Variants in SP140 observed in about 807,000 individuals in gnomAD.
The protein encoded by SP140 is nuclear body protein SP140.
In SP140, 81 loss-of-function variants were observed where a neutral mutation model predicts 125.0. The observed-to-expected ratio is 0.65, with a 90% CI of 0.54 to 0.78. The LOEUF is 0.78. Ranked by LOEUF, SP140 falls within the 30% of genes least tolerant of loss-of-function variation. SP140 has a pLI of 0.00. For missense variants in SP140, 858 were observed against 1,037.0 expected (o/e 0.83, Z 2.37); for synonymous variants, 312 against 354.0 (o/e 0.88, Z 1.33).
intron 12 of SP140, among the ~76,000 whole-genome samples, chr2:230,265,905 G>A (rs2053046565): frequency 6.6e-6 from 1 of 152,094 alleles, no homozygotes; most frequent in Non-Finnish European, 1.5e-5. Flanking sequence ...AAAAGAAAAG[G>A]ATTATGATAA....
Position 230,255,541 on chromosome 2 carries a change from G to A in SP140, c.1240+9G>A, listed in dbSNP as rs200772144. On this transcript the variant is annotated intron_variant, in intron 12 of 26. Transcript: ENST00000392045. ...AGCAAGACGTGGGTCAGGTAAGGAC[G>A]GGGGGGGGGATTTCTGGCCCTGGGC... 1.7e-4 allele frequency: 8 copies of A among 48,034 alleles called. No individual in the cohort carries two copies. The highest frequency in any genetic ancestry group is 1.1e-3 in the African/African-American group (1 of 914). The allele number at this position is 48,034 out of a possible 1,614,324, so 3.0% of individuals were successfully genotyped here. A position where few individuals can be genotyped will look rare whatever the true frequency, so the allele number is the denominator to read the frequency against.
At chr2:230,300,219 T>C (rs1179039608) in intron 22 of SP140, among the ~76,000 whole-genome samples, 1 of 152,158 alleles carries the variant, frequency 6.6e-6, no homozygotes, top group African/African-American at 2.4e-5. Flanking sequence ...CAGACACTCA[T>C]ACGAGAACCA....
At chr2:230,293,096 A>G (rs2057313051) in intron 20 of SP140, among the ~76,000 whole-genome samples, 1 of 152,196 alleles carries the variant, frequency 6.6e-6, no homozygotes, top group African/African-American at 2.4e-5. Context: ...AAGCAGTGGA[A>G]GAAGACACTT....
intron 15 of SP140, among the ~76,000 whole-genome samples, chr2:230,275,350 AC>A (rs140941975): frequency 0.017 from 2,639 of 152,210 alleles, 100 homozygotes; most frequent in African/African-American, 0.061. Flanking sequence ...GCATGTGCTC[AC>A]TTTGTGTCTC....
upstream of SP140, chr2:230,200,800 TA>T: frequency 9.2e-7 from 1 of 1,090,530 alleles, no homozygotes; most frequent in South Asian, 1.2e-5. Flanking sequence ...AAAAAAAAGT[TA>T]AGAAATATTG....
intron 22 of SP140, among the ~76,000 whole-genome samples, chr2:230,309,243 T>G (rs547150349): frequency 2.0e-5 from 3 of 152,284 alleles, no homozygotes; most frequent in African/African-American, 7.2e-5. Flanking sequence ...CTGTTACCAT[T>G]GTCCTTGGTC....
In SP140 at chr2:230,300,617, A is replaced by G. The variant is rs144210401; in HGVS notation, c.2058+3155A>G. Among the ~76,000 whole-genome samples, 340 of 152,330 alleles carry G rather than the reference A, an allele frequency of 2.2e-3. 2 individuals carry two copies. Among genetic ancestry groups the G allele is most frequent in the African/African-American group, 7.6e-3 (318 of 41,572 alleles). On this transcript the variant is annotated intron_variant, in intron 22 of 26. Transcript: ENST00000392045. ...GGGGAAGGGGGAGAACACCACATTA[A>G]GGGATCACCCTGTGGAACAAGAGAA...
Position 230,237,399 on chromosome 2 carries a change from G to A in SP140, c.237+139G>A. 8.6e-6 allele frequency: 6 copies of A among 697,558 alleles called. No homozygotes were observed. In the South Asian group the frequency reaches 1.0e-4, roughly 12 times the overall value. The allele number at this position is 697,558 out of a possible 1,614,324, so 43.2% of individuals were successfully genotyped here. ...TGTAGGTTAGGAGGTGACAGGAGAA[G>A]CAGGCATCACAGAAAACCTCCCTTC... On this transcript the variant is annotated intron_variant, in intron 2 of 26. Transcript: ENST00000392045. The surrounding 1 kb of genome is among the most constrained non-coding windows in gnomAD (Gnocchi z 5.4).
At chr2:230,217,828 C>A (rs1413349737) in intron 3 of SP140, among the ~76,000 whole-genome samples, 1 of 152,146 alleles carries the variant, frequency 6.6e-6, no homozygotes, top group Admixed American at 6.5e-5. Flanking sequence ...GCAACAGGGA[C>A]CACCCTAAAA....
intron 14 of SP140, 123 bp downstream of exon 14, chr2:230,270,076 C>G (rs763604614): frequency 3.0e-6 from 2 of 676,760 alleles, no homozygotes; most frequent in Non-Finnish European, 5.3e-6. Context: ...TTGACCTGAG[C>G]CTTTGGGGAG....
At chr2:230,313,579 C>A (rs985988237), downstream of SP140, among the ~76,000 whole-genome samples, 1 of 152,172 alleles carries the variant, frequency 6.6e-6, no homozygotes, top group East Asian at 1.9e-4. Context: ...TTTGGCCACA[C>A]GATGCTGCTT....
chr2:230,203,676 A>G (rs1371707678), intron 1 of SP140: 4 of 152,236 alleles, frequency 2.6e-5, no homozygotes, highest in African/African-American at 9.6e-5. Context: ...GAACACTTAC[A>G]GAAAATATGA....
chr2:230,221,142 G>A (rs959196354), upstream of SP140, among the ~76,000 whole-genome samples: 3 of 151,984 alleles, frequency 2.0e-5, no homozygotes, highest in East Asian at 1.9e-4. Flanking sequence ...TTAGCCAGAT[G>A]TGGTGGCGGG....
intron 3 of SP140, chr2:230,239,145 G>C (rs1034241086): frequency 1.1e-6 from 1 of 895,382 alleles, no homozygotes; most frequent in African/African-American, 1.7e-5. Flanking sequence ...ATTCAAAAAA[G>C]AGGTATCTTG....
chr2:230,260,072 G>A (rs1575073276), intron 12 of SP140, among the ~76,000 whole-genome samples: 1 of 152,068 alleles, frequency 6.6e-6, no homozygotes, highest in Non-Finnish European at 1.5e-5. Flanking sequence ...GTGTAGAAGT[G>A]TTCCCTATTC....
intron 8 of SP140, 108 bp from the exon 9 acceptor site, chr2:230,248,777 C>A: frequency 1.2e-6 from 1 of 820,186 alleles, no homozygotes; most frequent in Non-Finnish European, 2.0e-6. Context: ...AAAGGCGGAA[C>A]AAGACAGGGG....
intron 1 of SP140, among the ~76,000 whole-genome samples, chr2:230,236,817 A>G (rs1334407603): frequency 6.6e-6 from 1 of 152,194 alleles, no homozygotes; most frequent in Non-Finnish European, 1.5e-5. Context: ...AGTTCAGGTG[A>G]AGGTCTCTTT....
In SP140 at chr2:230,212,747, G is replaced by A. The variant is rs1340316021; in HGVS notation, c.-322-907G>A. On this transcript the variant is annotated intron_variant, in intron 1 of 4. Coordinates refer to the SP140 transcript ENST00000456542. ...CTGAGGATATACAGGTGTTGGATGG[G>A]ATCTGTTTCTCACCTGAAGTGCTTC... The A allele has an allele frequency of 4.3e-6, 7 of 1,613,844 alleles. No homozygotes were observed. In the South Asian group the frequency reaches 7.7e-5, roughly 18 times the overall value.
chr2:230,231,743 G>C (rs776710137), intron 1 of SP140, among the ~76,000 whole-genome samples: 65 of 151,252 alleles, frequency 4.3e-4, no homozygotes, highest in Non-Finnish European at 7.5e-4. Context: ...GTCTTGCTTT[G>C]TTGCCCAGGC....
Sources: gnomAD v4.1 joint callset for allele counts (sites outside exome capture counted in the v4.1 genomes callset) on GRCh38, gnomAD v4.1.1 for gene constraint, Gnocchi (gnomAD v3.1) non-coding constraint, MANE v1.5 for transcripts, NCBI Gene and HGNC (gene_info 2026-07-23, HGNC 2026-07-21) for gene names.